Variants in HHIPL1 observed in about 807,000 individuals in gnomAD.
HHIPL1 encodes the protein HHIP-like protein 1.
In HHIPL1, 43 loss-of-function variants were observed where a neutral mutation model predicts 61.8. That is an observed-to-expected ratio of 0.70 (90% confidence interval 0.55 to 0.90). HHIPL1 has a LOEUF of 0.90. Among genes scored for constraint, HHIPL1 ranks in the 40% least tolerant of loss-of-function variants. The probability of loss-of-function intolerance (pLI) is 0.00; values close to 1 mark genes in which losing one functional copy is unlikely to be tolerated. For missense variants in HHIPL1, 1,056 were observed against 1,157.7 expected, an observed-to-expected ratio of 0.91 and a Z score of 1.28; for synonymous variants, 482 against 515.8, an observed-to-expected ratio of 0.93 and a Z score of 0.89.
In HHIPL1 at chr14:99,675,231, A is replaced by AGGGGCGGCGGGCGGCGGCG. The variant is rs2056374366; in HGVS notation, c.1963_1981dup (p.Leu661ArgfsTer163). ...GCCCACCCAGCAGCCAGGGAGCCGG[A>AGGGGCGGCGGGCGGCGGCG]GGGGCGGCGGGCGGCGGCGGGGGCG... On this transcript the variant is annotated frameshift_variant, in exon 9 of 9. Coordinates refer to ENST00000330710, the MANE Select transcript of HHIPL1 (RefSeq NM_001127258.3). LOFTEE classifies it low-confidence loss of function (END_TRUNC). This position sits in a 1 kb window ranked among gnomAD's most constrained non-coding sequence, Gnocchi z 5.4. 1.7e-6 allele frequency: 2 copies of AGGGGCGGCGGGCGGCGGCG among 1,207,620 alleles called. No individual in the cohort carries two copies. The highest frequency in any genetic ancestry group is 2.1e-6 in the Non-Finnish European group (2 of 972,742). The allele number at this position is 1,207,620 out of a possible 1,614,324, so 74.8% of individuals were successfully genotyped here. A position where few individuals can be genotyped will look rare whatever the true frequency, so the allele number is the denominator to read the frequency against.
In HHIPL1 at chr14:99,656,561, C is replaced by T. The variant is rs539032752; in HGVS notation, c.903-439C>T. ...GAAGCCAAGGTGGGCAGATCACTTG[C>T]GGTCAGGAGGTTGAGACCAACCTGG... On this transcript the variant is annotated intron_variant, in intron 2 of 8. Transcript: ENST00000330710. Among the ~76,000 whole-genome samples the T allele has an allele frequency of 4.1e-4, 63 of 151,964 alleles. No homozygotes were observed. The South Asian group carries it at 0.012, about 30-fold the overall frequency.
chr14:99,656,826 A>AG (rs1566809798), intron 2 of HHIPL1, among the ~76,000 whole-genome samples, 174 bp from the exon 3 acceptor site: 13 of 14,734 alleles, frequency 8.8e-4, no homozygotes, highest in African/African-American at 1.2e-3. Context: ...AAAGAAAGAA[A>AG]GAAAGAAAGA....
At chr14:99,636,741 AC>A in the HHIPL1 span, among the ~76,000 whole-genome samples, 6 of 151,992 alleles carry the variant, frequency 3.9e-5, no homozygotes. Context: ...TAATGTCAGC[AC>A]TTTGGGAGGC....
In HHIPL1 at chr14:99,668,350, C is replaced by T; in HGVS notation, c.1730+47C>T. Reference sequence around the variant, plus strand: ...AGGGAGCTCCTGCTGTCTGTCAGGCCTCTTAGCTCCACGGGCTTGTCCCCT... The same window carrying T: ...AGGGAGCTCCTGCTGTCTGTCAGGCTTCTTAGCTCCACGGGCTTGTCCCCT... On this transcript the variant is annotated intron_variant, in intron 7 of 8. Transcript: ENST00000330710. This position sits in a 1 kb window ranked among gnomAD's most constrained non-coding sequence, Gnocchi z 4.7. 2 of 1,137,030 alleles carry T rather than the reference C, an allele frequency of 1.8e-6. No individual in the cohort carries two copies. Among genetic ancestry groups the T allele is most frequent in the Non-Finnish European group, 2.7e-6 (2 of 745,552 alleles). 70.4% of individuals were successfully genotyped at this position (1,137,030 alleles called of 1,614,324 possible). A position where few individuals can be genotyped will look rare whatever the true frequency, so the allele number is the denominator to read the frequency against.
At chr14:99,626,042 G>T in the HHIPL1 span, among the ~76,000 whole-genome samples, 3 of 152,172 alleles carry the variant, frequency 2.0e-5, no homozygotes, top group Non-Finnish European at 2.9e-5. Flanking sequence ...TACCCCGTCA[G>T]GTGGGTGCAG....
chr14:99,604,781 C>T, the HHIPL1 span, among the ~76,000 whole-genome samples: 1 of 152,196 alleles, frequency 6.6e-6, no homozygotes, highest in Admixed American at 6.5e-5. Context: ...GCCCCTTCTC[C>T]CTCCCGGGGG....
At chr14:99,620,856 C>T in the HHIPL1 span, among the ~76,000 whole-genome samples, 6 of 152,326 alleles carry the variant, frequency 3.9e-5, no homozygotes, top group South Asian at 1.2e-3. Flanking sequence ...GAAGGAGCAG[C>T]AGGAGTCAGA....
the HHIPL1 span, among the ~76,000 whole-genome samples, chr14:99,637,646 G>A: frequency 6.6e-6 from 1 of 152,160 alleles, no homozygotes; most frequent in Non-Finnish European, 1.5e-5. Context: ...GCCAGATGCT[G>A]ATCTGTCTTC....
chr14:99,605,937 G>A, the HHIPL1 span, among the ~76,000 whole-genome samples: 1 of 152,170 alleles, frequency 6.6e-6, no homozygotes, highest in Non-Finnish European at 1.5e-5. Context: ...AGGTCAGAGG[G>A]GCCAGATCAT....
At position 99,657,134 on chromosome 14, in the gene HHIPL1, C is replaced by A; in HGVS notation, c.1037C>A (p.Ala346Asp). ...GACCCCTTTGGGACATTTGGAAATG[C>A]CCAAAACAAGTATGTTCAGCTTTTG... is the stretch of plus-strand genomic sequence containing the variant. ...AGDPFGTFGNAQNKSALLGKV... is the reference protein window; with the variant it reads ...AGDPFGTFGNDQNKSALLGKV... The change falls in exon 3 of 9, where the codon GCC (alanine) becomes GAC (aspartate). Residue 346 changes from alanine to aspartate, a missense_variant. Transcript: ENST00000330710. 1 of 1,612,728 alleles carries A rather than the reference C, an allele frequency of 6.2e-7. No individual in the cohort carries two copies. The highest frequency in any genetic ancestry group is 1.1e-5 in the South Asian group (1 of 90,786).
chr14:99,629,085 G>A, the HHIPL1 span, among the ~76,000 whole-genome samples: 1 of 152,162 alleles, frequency 6.6e-6, no homozygotes, highest in East Asian at 1.9e-4. Flanking sequence ...CCAGACACCC[G>A]CGGATGTAGG....
chr14:99,621,506 A>G, the HHIPL1 span, among the ~76,000 whole-genome samples: 1 of 152,096 alleles, frequency 6.6e-6, no homozygotes, highest in Non-Finnish European at 1.5e-5. Context: ...GTGAGTGGGC[A>G]CAGGAGCCTC....
At chr14:99,618,947 C>T in the HHIPL1 span, among the ~76,000 whole-genome samples, 2 of 152,262 alleles carry the variant, frequency 1.3e-5, no homozygotes, top group South Asian at 2.1e-4. Flanking sequence ...GCAGAAACAT[C>T]GTGCCAGGCC....
At position 99,676,881 on chromosome 14, in the gene HHIPL1, G is replaced by A; in HGVS notation, c.*1255G>A. 6.6e-6 allele frequency: 1 copy of A among 150,762 alleles called. No individual in the cohort carries two copies. Among genetic ancestry groups the A allele is most frequent in the Non-Finnish European group, 1.5e-5 (1 of 68,056 alleles). The allele number at this position is 150,762 out of a possible 1,614,324, so 9.3% of individuals were successfully genotyped here. ...GGATGGGAGCACGGGTGGGGGGTGG[G>A]TAAGCAGATGAGTCACCAGGCAGTG... On this transcript the variant is annotated 3_prime_UTR_variant, in exon 9 of 9. Coordinates refer to ENST00000330710, the MANE Select transcript of HHIPL1 (RefSeq NM_001127258.3).
the HHIPL1 span, among the ~76,000 whole-genome samples, chr14:99,639,635 C>T: frequency 6.6e-6 from 1 of 152,076 alleles, no homozygotes; most frequent in Non-Finnish European, 1.5e-5. Flanking sequence ...GCATGAGCCA[C>T]CATACCAGGT....
chr14:99,675,713 C>T lies in HHIPL1; in HGVS notation c.*87C>T, dbSNP rs1334531864. ...CCTGTGTGCGCCCAGCGGGTGCACACGTGTTCTAGAGTGAAGGGGGTGCGG... is the reference window on the plus strand; with the variant it reads ...CCTGTGTGCGCCCAGCGGGTGCACATGTGTTCTAGAGTGAAGGGGGTGCGG... On this transcript the variant is annotated 3_prime_UTR_variant, in exon 9 of 9. Transcript: ENST00000330710. This position sits in a 1 kb window ranked among gnomAD's most constrained non-coding sequence, Gnocchi z 5.4. The T allele has an allele frequency of 1.1e-5, 15 of 1,336,924 alleles. No individual in the cohort carries two copies. The East Asian group carries it at 2.1e-4, about 18-fold the overall frequency. The allele number at this position is 1,336,924 out of a possible 1,614,324, so 82.8% of individuals were successfully genotyped here.
the HHIPL1 span, among the ~76,000 whole-genome samples, chr14:99,631,074 TTCTTTC>T: frequency 6.8e-6 from 1 of 147,516 alleles, no homozygotes; most frequent in Non-Finnish European, 1.5e-5. Context: ...CTTTCTTTCT[TTCTTTC>T]TTTCTTTCTT....
intron 3 of HHIPL1, among the ~76,000 whole-genome samples, chr14:99,657,363 A>G (rs555825374): frequency 6.6e-6 from 1 of 152,266 alleles, no homozygotes; most frequent in Non-Finnish European, 1.5e-5. Context: ...GCTTGTCACA[A>G]GGAGTAAAGG....
chr14:99,617,277 C>T, the HHIPL1 span, among the ~76,000 whole-genome samples: 1 of 152,304 alleles, frequency 6.6e-6, no homozygotes, highest in Admixed American at 6.5e-5. Context: ...ACGCGATCAT[C>T]GTCATAAAAC....
Sources: gnomAD v4.1 joint callset for allele counts (sites outside exome capture counted in the v4.1 genomes callset) on GRCh38, gnomAD v4.1.1 for gene constraint, Gnocchi (gnomAD v3.1) non-coding constraint, MANE v1.5 for transcripts, NCBI Gene and HGNC (gene_info 2026-07-23, HGNC 2026-07-21) for gene names.